The following DDC variants were observed in gnomAD, a reference collection of about 807,000 sequenced individuals.
The protein encoded by DDC is dopa decarboxylase.
In DDC, 43 loss-of-function variants were observed where a neutral mutation model predicts 60.0. That is an observed-to-expected ratio of 0.72 (90% CI 0.56 to 0.92). The LOEUF is 0.92. Among genes scored for constraint, DDC ranks in the 40% least tolerant of loss-of-function variants. DDC has a pLI of 0.00. For missense variants in DDC, 573 were observed against 620.2 expected (o/e 0.92, Z 0.81); for synonymous variants, 232 against 234.6 (o/e 0.99, Z 0.10).
At chr7:50,538,089 C>T in intron 3 of DDC, 110 bp from the exon 4 acceptor site, 3 of 1,342,786 alleles carry the variant, frequency 2.2e-6, no homozygotes, top group Non-Finnish European at 3.2e-6. Flanking sequence ...TTAAAATCAC[C>T]CAATCTCAGA....
At chr7:50,483,528 T>C (rs1202398511) in intron 9 of DDC, among the ~76,000 whole-genome samples, 2 of 152,202 alleles carry the variant, frequency 1.3e-5, no homozygotes, top group Admixed American at 1.3e-4. Context: ...CAGTGTGGCC[T>C]CTTTTGCTGC....
At chr7:50,564,387 T>C (rs1266128207) in intron 1 of DDC, 1 of 152,246 alleles carries the variant, frequency 6.6e-6, no homozygotes, top group Admixed American at 6.5e-5. Flanking sequence ...ATTTCGTCTC[T>C]GCCAGCTGCA....
intron 1 of DDC, among the ~76,000 whole-genome samples, chr7:50,554,947 C>T (rs149855827): frequency 3.9e-5 from 6 of 152,232 alleles, no homozygotes; most frequent in Non-Finnish European, 8.8e-5. Flanking sequence ...CCAGAGAACT[C>T]GGCTTGCGTC....
chr7:50,530,298 A>G (rs965693536), intron 4 of DDC, among the ~76,000 whole-genome samples: 3 of 152,100 alleles, frequency 2.0e-5, no homozygotes, highest in Non-Finnish European at 4.4e-5. Context: ...TGGCCCCCAG[A>G]CATGTGGGTG....
chr7:50,505,706 C>T (rs930817593), intron 6 of DDC, among the ~76,000 whole-genome samples: 4 of 152,256 alleles, frequency 2.6e-5, no homozygotes, highest in Admixed American at 6.5e-5. Flanking sequence ...ACTTCTCAGA[C>T]AGAGCGATGC....
At chr7:50,503,734 T>A (rs1189684948) in intron 7 of DDC, among the ~76,000 whole-genome samples, 2 of 152,228 alleles carry the variant, frequency 1.3e-5, no homozygotes, top group Non-Finnish European at 2.9e-5. Context: ...CAATTTTACA[T>A]AACTTCTATA....
chr7:50,521,181 G>A (rs953549999), intron 6 of DDC, among the ~76,000 whole-genome samples: 1 of 151,918 alleles, frequency 6.6e-6, no homozygotes, highest in East Asian at 1.9e-4. Context: ...GGATTCCAAG[G>A]CCACAAATTC....
intron 12 of DDC, 78 bp from the exon 13 acceptor site, chr7:50,467,393 G>A: frequency 8.6e-7 from 1 of 1,162,680 alleles, no homozygotes; most frequent in African/African-American, 1.5e-5. Context: ...AACCTTATTA[G>A]ACTGCCCATG....
intron 6 of DDC, among the ~76,000 whole-genome samples, chr7:50,518,391 T>A (rs764430737): frequency 1.3e-5 from 2 of 151,886 alleles, no homozygotes; most frequent in Non-Finnish European, 2.9e-5. Context: ...AAAACAATTC[T>A]AAAATTCATA....
At chr7:50,509,839 G>A (rs2043499590) in intron 6 of DDC, among the ~76,000 whole-genome samples, 2 of 151,702 alleles carry the variant, frequency 1.3e-5, no homozygotes, top group African/African-American at 4.9e-5. Context: ...TAGAATGTGA[G>A]AGTATGTATC....
chr7:50,501,146 T>C (rs1039968120), intron 7 of DDC, among the ~76,000 whole-genome samples: 1 of 152,188 alleles, frequency 6.6e-6, no homozygotes, highest in Non-Finnish European at 1.5e-5. Flanking sequence ...CTCACACCCC[T>C]CCAGCTTCCT....
rs751390507 is a variant in DDC, at chr7:50,539,929, T to C, written c.301A>G (p.Ile101Val). 6.2e-7 allele frequency: 1 copy of C among 1,613,780 alleles called. No individual in the cohort carries two copies. The change falls in exon 3 of 15, where the codon ATC becomes GTC. Residue 101 changes from isoleucine to valine, a missense_variant. By Grantham distance (29) the Ile-to-Val change is conservative (BLOSUM62 3). Coordinates refer to ENST00000444124, the MANE Select transcript of DDC (RefSeq NM_001082971.2). ...CGGACCCTCACCCAGGAGAAGCCGA[T>C]GCAGCCAATGGCCCCGCACAGCATG... is the stretch of plus-strand genomic sequence containing the variant. Reference protein sequence around the residue: ...ADMLCGAIGCIGFSWAASPAC... With the variant: ...ADMLCGAIGCVGFSWAASPAC...
chr7:50,548,688 G>A (rs894974767), intron 1 of DDC, among the ~76,000 whole-genome samples: 3 of 152,214 alleles, frequency 2.0e-5, no homozygotes, highest in African/African-American at 2.4e-5. Context: ...GAAACAGCAA[G>A]AGCCAGTGGA....
chr7:50,538,289 G>A (rs960318803), intron 3 of DDC, among the ~76,000 whole-genome samples: 15 of 152,210 alleles, frequency 9.9e-5, no homozygotes, highest in East Asian at 5.8e-4. Context: ...ACTTTCCTCC[G>A]TAGTCACAAA....
intron 1 of DDC, among the ~76,000 whole-genome samples, chr7:50,545,593 C>T (rs2044775880): frequency 6.6e-6 from 1 of 152,212 alleles, no homozygotes. Context: ...CTGCCTCAGT[C>T]TCCTGAGTAG....
chr7:50,557,635 G>T (rs538785640), intron 1 of DDC, among the ~76,000 whole-genome samples: 1 of 152,270 alleles, frequency 6.6e-6, no homozygotes, highest in Admixed American at 6.5e-5. Flanking sequence ...ATTTCACCGT[G>T]TTCCTATGAC....
In DDC at chr7:50,543,889, G is replaced by C. The variant is rs1563044251; in HGVS notation, c.197C>G (p.Pro66Arg). ...IINDVEKIIM[P>R]GVTHWHSPYF... Reference sequence around the variant, plus strand: ...TGACCTTGGATACACACTTACCCCAGGCATGATTATCTTCTCAACGTCGTT... The same window carrying C: ...TGACCTTGGATACACACTTACCCCACGCATGATTATCTTCTCAACGTCGTT... The change falls in exon 2 of 15, where the codon CCT becomes CGT. Residue 66 changes from proline to arginine, a missense_variant. Physicochemically the swap from Pro to Arg is moderately radical, Grantham distance 103. Coordinates refer to ENST00000444124, the MANE Select transcript of DDC (RefSeq NM_001082971.2). 6.2e-7 allele frequency: 1 copy of C among 1,614,002 alleles called. No homozygotes were observed. The highest frequency in any genetic ancestry group is 1.7e-5 in the Admixed American group (1 of 60,024).
At chr7:50,528,451 C>T (rs1301972194) in intron 5 of DDC, among the ~76,000 whole-genome samples, 171 bp from the exon 6 acceptor site, 1 of 152,144 alleles carries the variant, frequency 6.6e-6, no homozygotes, top group East Asian at 1.9e-4. Context: ...CATGAGACCC[C>T]TTTTTTCCTG....
chr7:50,487,034 G>A (rs932697547), intron 9 of DDC, among the ~76,000 whole-genome samples: 1 of 152,096 alleles, frequency 6.6e-6, no homozygotes, highest in African/African-American at 2.4e-5. Context: ...GTAGGAAAAA[G>A]AACATTTTTG....
Sources: gnomAD v4.1 joint callset for allele counts (sites outside exome capture counted in the v4.1 genomes callset) on GRCh38, gnomAD v4.1.1 for gene constraint, MANE v1.5 for transcripts, NCBI Gene and HGNC (gene_info 2026-07-23, HGNC 2026-07-21) for gene names.